Variants in NUDCD1 observed in about 807,000 individuals in gnomAD.
NUDCD1 encodes NudC domain containing 1.
A neutral mutation model predicts 67.8 loss-of-function variants in NUDCD1; 60 were observed. That is an observed-to-expected ratio of 0.88 (90% confidence interval 0.72 to 1.10). The LOEUF (loss-of-function observed/expected upper bound fraction) is 1.10, where lower values mean the gene tolerates loss of function less well. Ranked by LOEUF, NUDCD1 falls within the 50% of genes least tolerant of loss-of-function variation. The pLI is 0.00. For missense variants in NUDCD1, 643 were observed against 695.0 expected (o/e 0.93, Z 0.84); for synonymous variants, 244 against 230.8 (o/e 1.06, Z -0.52).
intron 8 of NUDCD1, among the ~76,000 whole-genome samples, chr8:109,245,773 G>A (rs67022633): frequency 0.13 from 19,472 of 152,128 alleles, 1,321 homozygotes; most frequent in Middle Eastern, 0.25. Context: ...TAATCACCAC[G>A]TGATATACCA....
rs768551005 is a variant in NUDCD1 at position 109,324,136 on chromosome 8, T to C, written c.119-1673A>G. On this transcript the variant is annotated intron_variant, in intron 1 of 9. Transcript: ENST00000239690. ...AACAACCTAGTGAAGAGACAACCTA[T>C]AGAATGGGAGAAAATATTTGCAAAC... Among the ~76,000 whole-genome samples, 3 of 150,714 alleles carry C rather than the reference T, an allele frequency of 2.0e-5. No individual in the cohort carries two copies. In the East Asian group the frequency reaches 5.9e-4, roughly 29 times the overall value.
At chr8:109,328,951 C>T (rs1471736991) in intron 1 of NUDCD1, among the ~76,000 whole-genome samples, 2 of 152,040 alleles carry the variant, frequency 1.3e-5, no homozygotes, top group Admixed American at 6.5e-5. Context: ...GACATGGAAG[C>T]TACAATTCAC....
rs569623061 is a variant in NUDCD1 at position 109,243,276 on chromosome 8, G to T, written c.1485C>A (p.Asp495Glu). The part of the protein sequence containing the change: ...ALGYVQASKR[D>E]KKFFACAPNY... ...TTGGAGCACAGGCAAAAAATTTTTT[G>T]TCTCTCTTTGATGCTTGGACATAGC... Residue 495 changes from aspartate (D) to glutamate (E), a missense_variant, in exon 10 of 10, where the codon GAC becomes GAA. Asp to Glu is a conservative substitution (Grantham distance 45). Transcript: ENST00000239690. 1.9e-6 allele frequency: 3 copies of T among 1,600,490 alleles called. No individual in the cohort carries two copies. Among genetic ancestry groups the T allele is most frequent in the Non-Finnish European group, 2.6e-6 (3 of 1,169,904 alleles).
intron 2 of NUDCD1, among the ~76,000 whole-genome samples, chr8:109,301,787 C>G (rs1477810283): frequency 6.6e-6 from 1 of 152,214 alleles, no homozygotes; most frequent in Non-Finnish European, 1.5e-5. Context: ...ATCCATGGAC[C>G]CAAAACTCCA....
At chr8:109,319,130 C>T (rs527873965) in intron 2 of NUDCD1, among the ~76,000 whole-genome samples, 48 of 152,052 alleles carry the variant, frequency 3.2e-4, no homozygotes, top group African/African-American at 1.1e-3. Context: ...CCTGCCACCA[C>T]GCCTGGCTAA....
At position 109,283,341 on chromosome 8, in the gene NUDCD1, GA is replaced by G. The variant is rs200685832; in HGVS notation, c.824-2170del. Reference sequence around the variant, plus strand: ...TATTAACTACTGGCATTCCAGAGAAGAAACACTAAACAAACTGAAAAACATG... The same window carrying G: ...TATTAACTACTGGCATTCCAGAGAAGAACACTAAACAAACTGAAAAACATG... On this transcript the variant is annotated intron_variant, in intron 5 of 9. Coordinates refer to ENST00000239690, the MANE Select transcript of NUDCD1 (RefSeq NM_032869.4). Among the ~76,000 whole-genome samples the G allele has an allele frequency of 2.8e-3, 427 of 152,268 alleles. 11 individuals are homozygous for G. In the East Asian group the frequency reaches 0.071, roughly 25 times the overall value.
chr8:109,287,389 G>T (rs774994109), intron 5 of NUDCD1, among the ~76,000 whole-genome samples: 1 of 152,016 alleles, frequency 6.6e-6, no homozygotes, highest in Non-Finnish European at 1.5e-5. Flanking sequence ...ATCAACATAG[G>T]TGCCCATCAA....
At chr8:109,289,650 C>T (rs1048847618) in intron 5 of NUDCD1, 101 bp downstream of exon 5, 14 of 576,370 alleles carry the variant, frequency 2.4e-5, no homozygotes, top group Non-Finnish European at 3.8e-5. Context: ...AATTATGCAT[C>T]TATCTTGCCC....
At chr8:109,315,811 T>C (rs545591788) in intron 2 of NUDCD1, 2 of 152,114 alleles carry the variant, frequency 1.3e-5, no homozygotes, top group South Asian at 4.2e-4. Context: ...TTTGCCTTCG[T>C]CTCTACACAG....
chr8:109,256,186 G>C (rs188413257), intron 8 of NUDCD1, among the ~76,000 whole-genome samples: 2 of 152,226 alleles, frequency 1.3e-5, no homozygotes, highest in African/African-American at 4.8e-5. Context: ...GTGACAGAGC[G>C]ATACCCGTCT....
intron 8 of NUDCD1, among the ~76,000 whole-genome samples, chr8:109,266,674 A>G (rs1189896750): frequency 2.0e-5 from 3 of 152,168 alleles, no homozygotes; most frequent in Non-Finnish European, 4.4e-5. Flanking sequence ...GCCAGAGGCT[A>G]ACATTTTGAC....
At chr8:109,270,964 C>T (rs1586266093) in intron 8 of NUDCD1, 41 bp downstream of exon 8, 1 of 1,364,910 alleles carries the variant, frequency 7.3e-7, no homozygotes, top group East Asian at 2.3e-5. Flanking sequence ...ATCTGAGTAA[C>T]TACTGACAAA....
chr8:109,302,791 C>T (rs1226395963), intron 2 of NUDCD1, among the ~76,000 whole-genome samples: 2 of 152,202 alleles, frequency 1.3e-5, no homozygotes, highest in African/African-American at 4.8e-5. Context: ...AGACGCTTTA[C>T]CGCCCTAGAC....
chr8:109,333,823 G>C (rs1341799121), intron 1 of NUDCD1, 70 bp downstream of exon 1: 86 of 1,515,372 alleles, frequency 5.7e-5, no homozygotes, highest in Middle Eastern at 4.4e-4. Context: ...AAGAAATTGC[G>C]GGAAGGGTCA....
At chr8:109,249,507 T>C (rs1162000835) in intron 8 of NUDCD1, among the ~76,000 whole-genome samples, 2 of 152,226 alleles carry the variant, frequency 1.3e-5, no homozygotes, top group Non-Finnish European at 2.9e-5. Context: ...TCTTGTACCA[T>C]TTCAAAAATG....
chr8:109,294,700 T>C (rs550065478), intron 3 of NUDCD1, among the ~76,000 whole-genome samples: 20 of 152,148 alleles, frequency 1.3e-4, no homozygotes, highest in Non-Finnish European at 2.2e-4. Flanking sequence ...GCCCAGCATC[T>C]AAACTGTGAT....
At chr8:109,289,081 T>A (rs910344191) in intron 5 of NUDCD1, among the ~76,000 whole-genome samples, 13 of 152,172 alleles carry the variant, frequency 8.5e-5, no homozygotes, top group African/African-American at 3.1e-4. Flanking sequence ...GTTCAAGTGA[T>A]TCTCCTGCCT....
chr8:109,294,201 A>T (rs542885013), intron 3 of NUDCD1, among the ~76,000 whole-genome samples: 1 of 151,780 alleles, frequency 6.6e-6, no homozygotes, highest in Non-Finnish European at 1.5e-5. Flanking sequence ...GTTGAGAAAA[A>T]GCCTAACTGA....
In NUDCD1 at chr8:109,256,023, C is replaced by T. The variant is rs182798283; in HGVS notation, c.1300-10542G>A. The stretch of plus-strand genomic sequence containing the variant: ...TTCAGGAGTCTGATACCTGCTTGGG[C>T]AACACAGTGAGATCCCACAACTACA... On this transcript the variant is annotated intron_variant, in intron 8 of 9. Coordinates refer to ENST00000239690, the MANE Select transcript of NUDCD1 (RefSeq NM_032869.4). 1.8e-3 allele frequency among the ~76,000 whole-genome samples: 271 copies of T among 151,924 alleles called. 1 individual carries two copies. The highest frequency in any genetic ancestry group is 6.3e-3 in the African/African-American group (260 of 41,526).
Sources: gnomAD v4.1 joint callset for allele counts (sites outside exome capture counted in the v4.1 genomes callset) on GRCh38, gnomAD v4.1.1 for gene constraint, MANE v1.5 for transcripts, NCBI Gene and HGNC (gene_info 2026-07-23, HGNC 2026-07-21) for gene names.